The following KLHDC4 variants were observed in gnomAD, a reference collection of about 807,000 sequenced individuals.
KLHDC4 encodes the protein kelch domain containing 4.
Under a neutral mutation model 62.4 loss-of-function variants are expected in KLHDC4, and 90 were observed. That is an observed-to-expected ratio of 1.44 (90% CI 1.22 to 1.72). KLHDC4 has a LOEUF of 1.72. Among genes scored for constraint, KLHDC4 ranks in the 40% most tolerant of loss-of-function variants. The pLI, the probability that KLHDC4 is intolerant of heterozygous loss-of-function variation, is 0.00. For synonymous variants in KLHDC4, 386 were observed against 284.4 expected (o/e 1.36, Z -3.59); for missense variants, 1,025 against 699.7 (o/e 1.47, Z -5.25).
At chr16:87,757,618 G>C (rs551902835) in intron 2 of KLHDC4, among the ~76,000 whole-genome samples, 1 of 151,780 alleles carries the variant, frequency 6.6e-6, no homozygotes, top group Non-Finnish European at 1.5e-5. Context: ...GGCCAGGCCC[G>C]GTGGCTCACA....
At chr16:87,741,528 G>A (rs906432640) in intron 5 of KLHDC4, among the ~76,000 whole-genome samples, 7 of 152,200 alleles carry the variant, frequency 4.6e-5, no homozygotes, top group East Asian at 1.9e-4. Context: ...ATGATCTGAG[G>A]TGCAACAGTT....
At chr16:87,734,957 CG>C (rs2041033974) in intron 5 of KLHDC4, among the ~76,000 whole-genome samples, 2 of 59,330 alleles carry the variant, frequency 3.4e-5, no homozygotes, top group Non-Finnish European at 8.5e-5. Flanking sequence ...CCACTCCTGA[CG>C]AATTGCCTGA....
intron 7 of KLHDC4, among the ~76,000 whole-genome samples, chr16:87,724,879 T>C (rs535771747): frequency 6.6e-6 from 1 of 152,304 alleles, no homozygotes; most frequent in African/African-American, 2.4e-5. Context: ...CAAAAGATTA[T>C]TATGGACGTG....
intron 5 of KLHDC4, among the ~76,000 whole-genome samples, chr16:87,736,055 G>A (rs1005402898): frequency 1.3e-5 from 2 of 152,178 alleles, no homozygotes; most frequent in Admixed American, 6.5e-5. Context: ...ATACAGTCAC[G>A]CACTGCTTAA....
At chr16:87,751,780 A>G (rs1231006316) in intron 4 of KLHDC4, among the ~76,000 whole-genome samples, 1 of 152,000 alleles carries the variant, frequency 6.6e-6, no homozygotes, top group Non-Finnish European at 1.5e-5. Flanking sequence ...GCCATTCTTA[A>G]AAAATGAAGT....
At chr16:87,707,761 G>A (rs185136170), downstream of KLHDC4, 27 of 323,652 alleles carry the variant, frequency 8.3e-5, no homozygotes, top group South Asian at 2.3e-4. Context: ...CAGAGGCCCC[G>A]GGAAGACTGC....
At chr16:87,739,985 C>T (rs948711817) in intron 5 of KLHDC4, 11 of 152,228 alleles carry the variant, frequency 7.2e-5, no homozygotes, top group Non-Finnish European at 8.8e-5. Flanking sequence ...ATATGAATCA[C>T]ATCTCAGAGA....
chr16:87,733,249 T>G (rs1407635328), intron 5 of KLHDC4, among the ~76,000 whole-genome samples: 2 of 152,260 alleles, frequency 1.3e-5, no homozygotes, highest in African/African-American at 4.8e-5. Context: ...AATCGTTTCC[T>G]GCATCTCCCA....
chr16:87,736,533 C>A lies in KLHDC4; in HGVS notation c.507-5889G>T, dbSNP rs1039604500. 2.0e-5 allele frequency among the ~76,000 whole-genome samples: 3 copies of A among 152,274 alleles called. No individual in the cohort carries two copies. The South Asian group carries it at 6.2e-4, about 32-fold the overall frequency. ...CAGGGAGAGCCGTGTGCATGCACCT[C>A]CCCTACCATTTCAAACACATGCCTT... On this transcript the variant is annotated intron_variant, in intron 5 of 11. Coordinates refer to ENST00000270583, the MANE Select transcript of KLHDC4 (RefSeq NM_017566.4).
intron 9 of KLHDC4, 59 bp downstream of exon 9, chr16:87,711,176 G>A (rs1597387114): frequency 2.5e-6 from 4 of 1,574,054 alleles, no homozygotes; most frequent in South Asian, 1.1e-5. Flanking sequence ...AGGCAGTGGT[G>A]GCAGGGACCC....
At chr16:87,708,589 C>T (rs2035118857) in intron 10 of KLHDC4, 123 bp from the exon 11 acceptor site, 1 of 548,132 alleles carries the variant, frequency 1.8e-6, no homozygotes, top group Non-Finnish European at 3.0e-6. Context: ...AATGTGAAAC[C>T]TAACTCCTCT....
At chr16:87,761,271 A>T (rs2045856037) in intron 2 of KLHDC4, among the ~76,000 whole-genome samples, 1 of 152,076 alleles carries the variant, frequency 6.6e-6, no homozygotes, top group Non-Finnish European at 1.5e-5. Context: ...GGTGGGTGGG[A>T]CTCGGGCACC....
chr16:87,702,018 T>A (rs542829714), exon 1 of KLHDC4: 6 of 456,292 alleles, frequency 1.3e-5, no homozygotes, highest in South Asian at 9.3e-5. Flanking sequence ...AGGCAGCTCC[T>A]TACAGAGGCT....
downstream of KLHDC4, among the ~76,000 whole-genome samples, chr16:87,706,456 C>A (rs981224424): frequency 3.0e-5 from 4 of 132,514 alleles, no homozygotes; most frequent in African/African-American, 1.1e-4. Context: ...GCCGGCACAA[C>A]GCAAACACAA....
intron 7 of KLHDC4, among the ~76,000 whole-genome samples, chr16:87,715,336 G>A (rs371857245): frequency 1.3e-5 from 2 of 152,108 alleles, no homozygotes; most frequent in East Asian, 1.9e-4. Context: ...GCTCTCACAC[G>A]CCCACACCAA....
At chr16:87,762,390 T>C (rs1025475353) in intron 1 of KLHDC4, among the ~76,000 whole-genome samples, 1 of 151,878 alleles carries the variant, frequency 6.6e-6, no homozygotes, top group African/African-American at 2.4e-5. Flanking sequence ...CCTGCCAGCC[T>C]TCCTGTCTGC....
downstream of KLHDC4, chr16:87,703,417 C>T (rs1278070886): frequency 6.6e-6 from 1 of 152,572 alleles, no homozygotes; most frequent in East Asian, 1.9e-4. Flanking sequence ...AGCGTGGGCA[C>T]AGGGTTTGTC....
At chr16:87,730,048 G>C (rs1176619484) in intron 6 of KLHDC4, among the ~76,000 whole-genome samples, 1 of 152,200 alleles carries the variant, frequency 6.6e-6, no homozygotes, top group Non-Finnish European at 1.5e-5. Context: ...CCATCTCCTG[G>C]GTTCAAGCGA....
intron 2 of KLHDC4, among the ~76,000 whole-genome samples, chr16:87,760,068 G>C (rs944729805): frequency 1.3e-5 from 2 of 152,084 alleles, no homozygotes; most frequent in East Asian, 3.9e-4. Context: ...GAAGTTGGAA[G>C]ATATTAAGGT....
Sources: gnomAD v4.1 joint callset for allele counts (sites outside exome capture counted in the v4.1 genomes callset) on GRCh38, gnomAD v4.1.1 for gene constraint, MANE v1.5 for transcripts, NCBI Gene and HGNC (gene_info 2026-07-23, HGNC 2026-07-21) for gene names.